Variants in HAPLN1 observed in about 807,000 individuals in gnomAD.
HAPLN1 encodes Cartilage link protein.
A neutral mutation model predicts 36.5 loss-of-function variants in HAPLN1; 13 were observed. The ratio of observed to expected loss-of-function variants is 0.36; its 90% CI spans 0.23 to 0.57. The LOEUF is 0.57. HAPLN1 is among the 20% of genes least tolerant of loss of function. The pLI, the probability that HAPLN1 is intolerant of heterozygous loss-of-function variation, is 0.83. For synonymous variants in HAPLN1, 202 were observed against 169.8 expected, an observed-to-expected ratio of 1.19 and a Z score of -1.48; for missense variants, 407 against 439.7, an observed-to-expected ratio of 0.93 and a Z score of 0.66.
In HAPLN1 at chr5:83,693,168, A is replaced by G. The variant is rs73133875; in HGVS notation, c.-26-19619T>C. Among the ~76,000 whole-genome samples the G allele has an allele frequency of 5.5e-3, 829 of 151,922 alleles. 8 individuals are homozygous for G. The highest frequency in any genetic ancestry group is 0.019 in the African/African-American group (789 of 41,526). On this transcript the variant is annotated intron_variant, in intron 1 of 4. Coordinates refer to ENST00000274341, the MANE Select transcript of HAPLN1 (RefSeq NM_001884.4). ...CAAAATATTTTGTTTTACTATACTC[A>G]CCTCTTTTCTGACTGTCATTGACTG...
At chr5:83,685,698 A>G (rs1385323069) in intron 1 of HAPLN1, among the ~76,000 whole-genome samples, 1 of 152,090 alleles carries the variant, frequency 6.6e-6, no homozygotes, top group Non-Finnish European at 1.5e-5. Context: ...GAATAAGGAG[A>G]TTGGCGTTTC....
chr5:83,652,127 A>G (rs1321320354), intron 3 of HAPLN1: 2 of 322,462 alleles, frequency 6.2e-6, no homozygotes, highest in Non-Finnish European at 1.1e-5. Context: ...AAAAGTACAC[A>G]GTCTGAATTT....
intron 1 of HAPLN1, among the ~76,000 whole-genome samples, chr5:83,690,720 T>A (rs1294548051): frequency 1.3e-5 from 2 of 152,008 alleles, no homozygotes; most frequent in East Asian, 1.9e-4. Flanking sequence ...GGGAAAAAAA[T>A]ATCTGACATA....
At chr5:83,707,264 C>G (rs1195396813) in intron 1 of HAPLN1, among the ~76,000 whole-genome samples, 1 of 152,070 alleles carries the variant, frequency 6.6e-6, no homozygotes, top group Non-Finnish European at 1.5e-5. Context: ...ACAAAAGAAC[C>G]CAAATAGCCA....
rs1239534814 is a variant in HAPLN1 at position 83,652,763 on chromosome 5, A to C, written c.162T>G (p.Gly54=). The change falls in exon 3 of 5, where the codon GGT becomes GGG. Residue 54 remains glycine, a synonymous_variant. Transcript: ENST00000274341. Reference sequence around the variant, plus strand: ...ATTTACATGGCAGTGTAACATTGCCACCTCTGTGTGAAAACACCTTGGCTT... The same window carrying C: ...ATTTACATGGCAGTGTAACATTGCCCCCTCTGTGTGAAAACACCTTGGCTT... ...AEQAKVFSHR[G]GNVTLPCKFY... 1.9e-6 allele frequency: 3 copies of C among 1,613,434 alleles called. No individual in the cohort carries two copies. Among genetic ancestry groups the C allele is most frequent in the East Asian group, 2.2e-5 (1 of 44,884 alleles).
intron 1 of HAPLN1, among the ~76,000 whole-genome samples, chr5:83,686,882 C>A (rs535573142): frequency 6.6e-6 from 1 of 152,208 alleles, no homozygotes; most frequent in South Asian, 2.1e-4. Flanking sequence ...TCCTCTACAT[C>A]TGGAAGGGTG....
chr5:83,667,013 G>T (rs1419548457), intron 2 of HAPLN1, among the ~76,000 whole-genome samples: 1 of 152,122 alleles, frequency 6.6e-6, no homozygotes, highest in Non-Finnish European at 1.5e-5. Context: ...ATGATTAATA[G>T]CTCTTTATTC....
In HAPLN1 at chr5:83,641,480, C is replaced by T. The variant is rs774320964; in HGVS notation, c.*16G>A. 5 of 1,555,214 alleles carry T rather than the reference C, an allele frequency of 3.2e-6. No individual in the cohort carries two copies. The South Asian group carries it at 3.6e-5, about 11-fold the overall frequency. ...GTTCTTAATGACTTTAAAACTGATG[C>T]GCTCTAAGGGCACATTCAGTTGTAT... On this transcript the variant is annotated 3_prime_UTR_variant, in exon 5 of 5. Coordinates refer to ENST00000274341, the MANE Select transcript of HAPLN1 (RefSeq NM_001884.4).
chr5:83,655,428 G>A (rs528287269), intron 2 of HAPLN1, among the ~76,000 whole-genome samples: 1 of 151,758 alleles, frequency 6.6e-6, no homozygotes, highest in African/African-American at 2.4e-5. Context: ...AATTAAGCAG[G>A]CACCAAACAT....
At chr5:83,654,502 T>C (rs968936952) in intron 2 of HAPLN1, among the ~76,000 whole-genome samples, 3 of 152,176 alleles carry the variant, frequency 2.0e-5, no homozygotes, top group East Asian at 1.9e-4. Context: ...ACATCTCTAG[T>C]GCCTTCTTTC....
intron 1 of HAPLN1, among the ~76,000 whole-genome samples, chr5:83,684,992 A>G (rs185503350): frequency 6.6e-6 from 1 of 152,266 alleles, no homozygotes; most frequent in Admixed American, 6.5e-5. Context: ...TCAAAATACA[A>G]TGGGTTAGCC....
At chr5:83,645,471 C>CTTTCTTTTTTTTT (rs1749836290) in intron 3 of HAPLN1, among the ~76,000 whole-genome samples, 1 of 20,320 alleles carries the variant, frequency 4.9e-5, no homozygotes, top group Non-Finnish European at 8.1e-5. Flanking sequence ...TTTTCTTTTT[C>CTTTCTTTTTTTTT]TTTCTTTTTT....
At chr5:83,678,281 G>A (rs1338091227) in intron 1 of HAPLN1, among the ~76,000 whole-genome samples, 1 of 149,566 alleles carries the variant, frequency 6.7e-6, no homozygotes, top group Admixed American at 6.7e-5. Flanking sequence ...TAAAACACTG[G>A]AAATGAATGC....
intron 2 of HAPLN1, among the ~76,000 whole-genome samples, chr5:83,671,446 T>C (rs1387550514): frequency 2.0e-5 from 3 of 152,314 alleles, no homozygotes; most frequent in African/African-American, 7.2e-5. Flanking sequence ...TTCTGGGCTA[T>C]GTTTGATAAA....
intron 2 of HAPLN1, among the ~76,000 whole-genome samples, chr5:83,657,192 T>C (rs1054214208): frequency 2.0e-5 from 3 of 151,672 alleles, no homozygotes; most frequent in African/African-American, 7.3e-5. Flanking sequence ...GCCTCCCGGG[T>C]TCAAGCCATT....
At chr5:83,642,908 C>A (rs4703570) in intron 4 of HAPLN1, among the ~76,000 whole-genome samples, 112,369 of 152,094 alleles carry the variant, frequency 0.74, 42,076 homozygotes, top group African/African-American at 0.86. Flanking sequence ...TGCCATCTCC[C>A]TCTGGGTTTA....
Position 83,712,884 on chromosome 5 carries a change from CA to C in HAPLN1, c.-27+7904del, listed in dbSNP as rs201001436. The stretch of plus-strand genomic sequence containing the variant: ...ATAAGGGGAGGGAGGAGAACCTGGA[CA>C]AAAAAAAAAAAAGGAAGTTGCTGAG... On this transcript the variant is annotated intron_variant, in intron 1 of 4. Transcript: ENST00000274341. Among the ~76,000 whole-genome samples, 332 of 100,334 alleles carry C rather than the reference CA, an allele frequency of 3.3e-3. 1 individual carries two copies. Among genetic ancestry groups the C allele is most frequent in the Non-Finnish European group, 4.6e-3 (223 of 48,420 alleles). 65.8% of individuals were successfully genotyped at this position (100,334 alleles called of 152,430 possible). A position where few individuals can be genotyped will look rare whatever the true frequency, so the allele number is the denominator to read the frequency against.
At chr5:83,646,019 A>G (rs1399660234) in intron 3 of HAPLN1, among the ~76,000 whole-genome samples, 3 of 152,332 alleles carry the variant, frequency 2.0e-5, no homozygotes, top group Non-Finnish European at 2.9e-5. Context: ...GTGACTTCGT[A>G]TTTGATTTTG....
chr5:83,705,904 C>T (rs1751635622), intron 1 of HAPLN1, among the ~76,000 whole-genome samples: 1 of 151,764 alleles, frequency 6.6e-6, no homozygotes, highest in African/African-American at 2.4e-5. Context: ...TTACCACTGA[C>T]CCCACAGAAA....
Sources: allele counts gnomAD v4.1 joint callset (sites outside exome capture counted in the v4.1 genomes callset), GRCh38; gene constraint gnomAD v4.1.1; transcripts MANE v1.5; gene names NCBI Gene and HGNC (gene_info 2026-07-23, HGNC 2026-07-21).